ZBTB1: variants seen among roughly 807,000 people sequenced by gnomAD.
The protein encoded by ZBTB1 is zinc finger and BTB domain containing 1.
A neutral mutation model predicts 51.6 loss-of-function variants in ZBTB1; 13 were observed. That is an observed-to-expected ratio of 0.25 (90% CI 0.16 to 0.40). The LOEUF (loss-of-function observed/expected upper bound fraction) is 0.40. ZBTB1 is among the 10% of genes least tolerant of loss of function. The pLI is 1.00. For synonymous variants in ZBTB1, 240 were observed against 282.2 expected (o/e 0.85, Z 1.50); for missense variants, 567 against 856.5 (o/e 0.66, Z 4.22).
In ZBTB1 at chr14:64,523,982, G is replaced by GTT. The variant is rs35952308; in HGVS notation, c.*348_*349dup. 0.065 allele frequency: 54,838 copies of GTT among 843,238 alleles called. 293 individuals carry two copies. Among genetic ancestry groups the GTT allele is most frequent in the Middle Eastern group, 0.1 (170 of 1,704 alleles). 52.2% of individuals were successfully genotyped at this position (843,238 alleles called of 1,614,324 possible). A position where few individuals can be genotyped will look rare whatever the true frequency, so the allele number is the denominator to read the frequency against. ...GGTGATGACTTCACTATTTCTATGTGTTTTTTTTTTTTTAAGGTTATCCTG... is the reference window on the plus strand; with the variant it reads ...GGTGATGACTTCACTATTTCTATGTGTTTTTTTTTTTTTTTAAGGTTATCCTG... On this transcript the variant is annotated 3_prime_UTR_variant, in exon 2 of 2. Coordinates refer to ENST00000683701, the MANE Select transcript of ZBTB1 (RefSeq NM_001123329.2). The surrounding 1 kb of genome is among the most constrained non-coding windows in gnomAD (Gnocchi z 4.5).
At chr14:64,508,926 C>T (rs1186063394) in intron 1 of ZBTB1, among the ~76,000 whole-genome samples, 1 of 152,170 alleles carries the variant, frequency 6.6e-6, no homozygotes, top group Admixed American at 6.5e-5. Context: ...TGCAGTAAAG[C>T]AGGGGAGCCA....
chr14:64,510,832 T>C (rs988339187), intron 1 of ZBTB1, among the ~76,000 whole-genome samples: 5 of 152,190 alleles, frequency 3.3e-5, no homozygotes, highest in Admixed American at 3.3e-4. Flanking sequence ...ACAGCATTGC[T>C]CTGGGAAGAA....
intron 1 of ZBTB1, among the ~76,000 whole-genome samples, chr14:64,510,091 C>T (rs747260157): frequency 1.3e-5 from 2 of 152,054 alleles, no homozygotes; most frequent in East Asian, 1.9e-4. Flanking sequence ...TTACTGAATA[C>T]TTAATATTCC....
At chr14:64,505,368 A>G (rs573182915) in intron 1 of ZBTB1, among the ~76,000 whole-genome samples, 16 of 152,126 alleles carry the variant, frequency 1.1e-4, no homozygotes, top group African/African-American at 3.9e-4. Flanking sequence ...CCGGAGCCCG[A>G]GGCTGCAGAC....
intron 1 of ZBTB1, among the ~76,000 whole-genome samples, chr14:64,521,111 C>T (rs899298551): frequency 2.0e-5 from 3 of 152,216 alleles, no homozygotes; most frequent in African/African-American, 7.2e-5. Context: ...AATCCTCCTG[C>T]CTCGGTCTCC....
downstream of ZBTB1, among the ~76,000 whole-genome samples, chr14:64,527,632 C>T (rs1432144286): frequency 2.0e-5 from 3 of 151,748 alleles, no homozygotes; most frequent in Admixed American, 6.6e-5. Flanking sequence ...ATTAGCCAGG[C>T]GTGGTGGCGC....
At chr14:64,505,377 A>T (rs1047083219) in intron 1 of ZBTB1, among the ~76,000 whole-genome samples, 1 of 152,046 alleles carries the variant, frequency 6.6e-6, no homozygotes, top group African/African-American at 2.4e-5. Context: ...GAGGCTGCAG[A>T]CTTGGGCGCG....
intron 1 of ZBTB1, among the ~76,000 whole-genome samples, chr14:64,507,189 CA>C (rs964953186): frequency 5.9e-5 from 9 of 151,668 alleles, no homozygotes; most frequent in Admixed American, 3.9e-4. Flanking sequence ...GTTGTCTTCC[CA>C]AAAAAAATGA....
intron 1 of ZBTB1, among the ~76,000 whole-genome samples, chr14:64,520,396 C>T (rs75060370): frequency 6.6e-6 from 1 of 152,036 alleles, no homozygotes; most frequent in African/African-American, 2.4e-5. Flanking sequence ...CTCACCACAA[C>T]CTCAAAATCC....
At position 64,522,248 on chromosome 14, in the gene ZBTB1, A is replaced by G; in HGVS notation, c.744A>G (p.Arg248=). ...ACAGACATTTATACCAAAACACAAG[A>G]TCTTACCATAGAATAGTAGATATTA... ...CTNRHLYQNT[R]SYHRIVDIRD... Residue 248 remains arginine, a synonymous_variant, in exon 2 of 2, where the codon AGA becomes AGG. Coordinates refer to ENST00000683701, the MANE Select transcript of ZBTB1 (RefSeq NM_001123329.2). 1.2e-6 allele frequency: 2 copies of G among 1,614,226 alleles called. No homozygotes were observed.
At chr14:64,517,110 T>TA (rs1443951784) in intron 1 of ZBTB1, among the ~76,000 whole-genome samples, 1 of 152,222 alleles carries the variant, frequency 6.6e-6, no homozygotes, top group Non-Finnish European at 1.5e-5. Flanking sequence ...AACTCAAACT[T>TA]ACCTGATGCT....
At chr14:64,521,185 A>G (rs1030713772) in intron 1 of ZBTB1, among the ~76,000 whole-genome samples, 12 of 152,202 alleles carry the variant, frequency 7.9e-5, no homozygotes, top group Non-Finnish European at 1.8e-4. Context: ...TTTTAAATTA[A>G]TGTCTTTTTT....
intron 1 of ZBTB1, among the ~76,000 whole-genome samples, chr14:64,506,272 C>G (rs1233393306): frequency 6.6e-6 from 1 of 152,222 alleles, no homozygotes; most frequent in Non-Finnish European, 1.5e-5. Context: ...GTGGCTCACG[C>G]CTGTAATCCC....
downstream of ZBTB1, chr14:64,524,986 C>G: frequency 1.1e-6 from 1 of 950,726 alleles, no homozygotes; most frequent in Non-Finnish European, 1.3e-6. Context: ...AATGTAGTAC[C>G]CTTTTCATAA....
chr14:64,532,935 C>T (rs1001732710), exon 3 of ZBTB1: 19 of 151,864 alleles, frequency 1.3e-4, no homozygotes, highest in Non-Finnish European at 2.7e-4. Flanking sequence ...AGTTTTACTT[C>T]TTTCTGTTTA....
Position 64,523,668 on chromosome 14 carries a change from G to A in ZBTB1, c.*22G>A, listed in dbSNP as rs146936722. On this transcript the variant is annotated 3_prime_UTR_variant, in exon 2 of 2. Coordinates refer to ENST00000683701, the MANE Select transcript of ZBTB1 (RefSeq NM_001123329.2). This position sits in a 1 kb window ranked among gnomAD's most constrained non-coding sequence, Gnocchi z 4.5. ...CTGAGTGATTTTCTACTGTACTAAT[G>A]TTTAGATGATAGCAGATAAAACACC... The A allele has an allele frequency of 2.9e-5, 44 of 1,521,914 alleles. No individual in the cohort carries two copies. The African/African-American group carries it at 5.3e-4, about 18-fold the overall frequency. The allele number at this position is 1,521,914 out of a possible 1,614,324, so 94.3% of individuals were successfully genotyped here.
At chr14:64,508,275 C>T (rs1596685033) in intron 1 of ZBTB1, among the ~76,000 whole-genome samples, 1 of 152,080 alleles carries the variant, frequency 6.6e-6, no homozygotes, top group Non-Finnish European at 1.5e-5. Context: ...ACCAGATTTT[C>T]TTTTGTCTAT....
At chr14:64,512,470 C>A (rs980916885) in intron 1 of ZBTB1, among the ~76,000 whole-genome samples, 1 of 152,194 alleles carries the variant, frequency 6.6e-6, no homozygotes, top group Non-Finnish European at 1.5e-5. Context: ...GCTAATGATA[C>A]AAGTAATACT....
rs1279620414 is a variant in ZBTB1 at position 64,523,628 on chromosome 14, G to A, written c.2124G>A (p.Lys708=). The A allele has an allele frequency of 1.3e-6, 2 of 1,548,976 alleles. No individual in the cohort carries two copies. The highest frequency in any genetic ancestry group is 3.9e-5 in the Admixed American group (2 of 50,876). The change falls in exon 2 of 2, where the codon AAG becomes AAA. Residue 708 remains lysine, a synonymous_variant. Coordinates refer to ENST00000683701, the MANE Select transcript of ZBTB1 (RefSeq NM_001123329.2). This position sits in a 1 kb window ranked among gnomAD's most constrained non-coding sequence, Gnocchi z 4.5. The stretch of plus-strand genomic sequence containing the variant: ...ATATGAGATCACATTATAATGCCAA[G>A]CATTTGAAAAGAACCTGAGTGATTT... ...RKDMRSHYNA[K]HLKRT
Sources: gnomAD v4.1 joint callset for allele counts (sites outside exome capture counted in the v4.1 genomes callset) on GRCh38, gnomAD v4.1.1 for gene constraint, Gnocchi (gnomAD v3.1) non-coding constraint, MANE v1.5 for transcripts, NCBI Gene and HGNC (gene_info 2026-07-23, HGNC 2026-07-21) for gene names.